FRMD4A: variants seen among roughly 807,000 people sequenced by gnomAD.
FRMD4A encodes FERM domain containing 4A, also known as FERM domain-containing protein 4A.
FRMD4A carries 29 observed loss-of-function variants against 129.1 expected under a neutral mutation model. The observed-to-expected ratio is 0.22, with a 90% CI of 0.17 to 0.31. The LOEUF is 0.31. FRMD4A is among the 10% of genes least tolerant of loss of function. FRMD4A has a pLI of 1.00. For synonymous variants in FRMD4A, 634 were observed against 571.6 expected (o/e 1.11, Z -1.56); for missense variants, 1,272 against 1,375.8 (o/e 0.92, Z 1.19).
intron 2 of FRMD4A, among the ~76,000 whole-genome samples, chr10:14,021,639 G>C (rs1247791676): frequency 6.6e-6 from 1 of 152,006 alleles, no homozygotes; most frequent in Non-Finnish European, 1.5e-5. Context: ...GGGAGGGAGA[G>C]AATTTTAATC....
intron 5 of FRMD4A, among the ~76,000 whole-genome samples, chr10:13,790,642 T>A (rs79358984): frequency 6.6e-6 from 1 of 151,922 alleles, no homozygotes; most frequent in Non-Finnish European, 1.5e-5. Context: ...AGAAGCCACA[T>A]GGGAGCAGGG....
At chr10:13,840,294 A>C (rs895350189) in intron 3 of FRMD4A, among the ~76,000 whole-genome samples, 13 of 152,264 alleles carry the variant, frequency 8.5e-5, no homozygotes, top group African/African-American at 3.1e-4. Context: ...AGTATACAGG[A>C]AAGGTCAAGT....
intron 3 of FRMD4A, among the ~76,000 whole-genome samples, chr10:13,833,605 G>C (rs2093824419): frequency 6.6e-6 from 1 of 152,044 alleles, no homozygotes. Flanking sequence ...GTGGCTTCAG[G>C]CAGGTTAAAT....
intron 2 of FRMD4A, among the ~76,000 whole-genome samples, chr10:14,040,395 G>A (rs1009505110): frequency 6.6e-6 from 1 of 152,140 alleles, no homozygotes; most frequent in Admixed American, 6.5e-5. Context: ...AAAATGTTTG[G>A]TATTCATTTA....
chr10:13,925,121 A>T (rs1434244473), intron 2 of FRMD4A, among the ~76,000 whole-genome samples: 1 of 150,922 alleles, frequency 6.6e-6, no homozygotes, highest in Non-Finnish European at 1.5e-5. Flanking sequence ...GCATTTCTTC[A>T]TTAATACAGG....
At chr10:14,091,815 A>G (rs1398975734) in intron 2 of FRMD4A, among the ~76,000 whole-genome samples, 1 of 152,088 alleles carries the variant, frequency 6.6e-6, no homozygotes, top group Non-Finnish European at 1.5e-5. Flanking sequence ...GCACTTATTT[A>G]CTTTTCAGTT....
intron 12 of FRMD4A, 57 bp downstream of exon 12, chr10:13,737,787 C>T (rs565781466): frequency 6.8e-5 from 64 of 940,810 alleles, no homozygotes; most frequent in African/African-American, 8.0e-5. Context: ...GTGACTCCTA[C>T]GCCTGTTCCT....
intron 2 of FRMD4A, among the ~76,000 whole-genome samples, chr10:14,013,085 A>G (rs2095687504): frequency 6.6e-6 from 1 of 152,108 alleles, no homozygotes; most frequent in Non-Finnish European, 1.5e-5. Flanking sequence ...GGTGAGCTGG[A>G]GAAAGAGATG....
Position 13,704,066 on chromosome 10 carries a change from G to A in FRMD4A, c.837-2588C>T, listed in dbSNP as rs559847456. On this transcript the variant is annotated intron_variant, in intron 13 of 24. Coordinates refer to ENST00000357447, the MANE Select transcript of FRMD4A (RefSeq NM_018027.5). ...AGGCCATGGATACCCCACGTACCCT[G>A]CCTTGATCATTCCATGTTCTATGCA... Among the ~76,000 whole-genome samples, 32 of 152,252 alleles carry A rather than the reference G, an allele frequency of 2.1e-4. 1 individual carries two copies. Among genetic ancestry groups the A allele is most frequent in the African/African-American group, 7.5e-4 (31 of 41,530 alleles).
intron 13 of FRMD4A, among the ~76,000 whole-genome samples, chr10:13,701,941 A>C (rs1316905763): frequency 6.6e-6 from 1 of 152,158 alleles, no homozygotes; most frequent in Non-Finnish European, 1.5e-5. Flanking sequence ...TTATATAACT[A>C]ACCCAATGTT....
intron 2 of FRMD4A, among the ~76,000 whole-genome samples, chr10:14,019,100 G>C (rs750247062): frequency 7.9e-5 from 12 of 152,118 alleles, no homozygotes; most frequent in Admixed American, 3.9e-4. Flanking sequence ...AGGTACCAAG[G>C]GAGTTCCCAG....
At chr10:13,676,723 G>T (rs777644037) in intron 15 of FRMD4A, among the ~76,000 whole-genome samples, 8 of 152,154 alleles carry the variant, frequency 5.3e-5, no homozygotes, top group Non-Finnish European at 7.3e-5. Context: ...TCTAATTAAA[G>T]ATGAGCAAGA....
intron 2 of FRMD4A, among the ~76,000 whole-genome samples, chr10:13,910,803 C>A (rs1326775986): frequency 2.0e-5 from 3 of 149,414 alleles, no homozygotes; most frequent in African/African-American, 7.5e-5. Flanking sequence ...CACACAGCTG[C>A]ACTGGAACAT....
intron 3 of FRMD4A, 27 bp from the exon 4 acceptor site, chr10:13,810,935 G>A (rs760734429): frequency 4.2e-6 from 5 of 1,192,364 alleles, no homozygotes; most frequent in African/African-American, 1.5e-5. Flanking sequence ...ATGGAAGAAG[G>A]GTAAGTGATG....
chr10:14,299,198 T>C (rs1387755973), intron 2 of FRMD4A, among the ~76,000 whole-genome samples: 1 of 152,184 alleles, frequency 6.6e-6, no homozygotes. Context: ...TCTCTTCTGA[T>C]GGAAAACTTC....
intron 12 of FRMD4A, among the ~76,000 whole-genome samples, chr10:13,724,878 G>T (rs890319855): frequency 7.9e-5 from 12 of 152,226 alleles, no homozygotes; most frequent in African/African-American, 2.7e-4. Context: ...ATGAATCCTG[G>T]GAGACACATA....
At chr10:13,690,680 T>C (rs1361156389) in intron 15 of FRMD4A, among the ~76,000 whole-genome samples, 2 of 152,176 alleles carry the variant, frequency 1.3e-5, no homozygotes, top group East Asian at 3.9e-4. Flanking sequence ...CTTGCTCAGC[T>C]GTGCAGCTGC....
At chr10:14,036,750 A>AT (rs995710622) in intron 2 of FRMD4A, among the ~76,000 whole-genome samples, 11 of 151,990 alleles carry the variant, frequency 7.2e-5, no homozygotes, top group Middle Eastern at 3.4e-3. Context: ...TACTCGTCTA[A>AT]TTTTTTTGTA....
chr10:14,225,689 G>A (rs530415374), intron 2 of FRMD4A, among the ~76,000 whole-genome samples: 1 of 152,284 alleles, frequency 6.6e-6, no homozygotes, highest in Non-Finnish European at 1.5e-5. Context: ...TAACCCCCTT[G>A]TTCTGATTGC....
Sources: gnomAD v4.1 joint callset for allele counts (sites outside exome capture counted in the v4.1 genomes callset) on GRCh38, gnomAD v4.1.1 for gene constraint, MANE v1.5 for transcripts, NCBI Gene and HGNC (gene_info 2026-07-23, HGNC 2026-07-21) for gene names.